The following VPS8 variants were observed in gnomAD, a reference collection of about 807,000 sequenced individuals.
VPS8 encodes the protein vacuolar protein sorting-associated protein 8 homolog.
VPS8 carries 129 observed loss-of-function variants against 216.4 expected under a neutral mutation model. The observed-to-expected ratio is 0.60, with a 90% CI of 0.52 to 0.69. VPS8 has a LOEUF of 0.69. Among genes scored for constraint, VPS8 ranks in the 30% least tolerant of loss-of-function variants. The pLI is 0.00. For synonymous variants in VPS8, 571 were observed against 565.4 expected (o/e 1.01, Z -0.14); for missense variants, 1,531 against 1,683.5 (o/e 0.91, Z 1.59).
intron 16 of VPS8, among the ~76,000 whole-genome samples, chr3:184,866,625 T>C (rs1024592984): frequency 2.6e-5 from 4 of 152,224 alleles, no homozygotes; most frequent in African/African-American, 4.8e-5. Context: ...TTATGATCTA[T>C]AGAAGCAATA....
Position 184,820,132 on chromosome 3 carries a change from G to A in VPS8, c.-88-4413G>A, listed in dbSNP as rs115707462. ...TGTCTATTCATTTCCTATTGTTGCC[G>A]TAAATTACCGTAAAGTTAGTAGTAT... On this transcript the variant is annotated intron_variant, in intron 1 of 47. Transcript: ENST00000625842. Among the ~76,000 whole-genome samples, 925 of 152,206 alleles carry A rather than the reference G, an allele frequency of 6.1e-3. 8 individuals are homozygous for A. The highest frequency in any genetic ancestry group is 0.016 in the African/African-American group (655 of 41,538).
At chr3:184,915,188 TA>T (rs1737317683) in intron 27 of VPS8, 135 bp downstream of exon 27, 1 of 1,321,700 alleles carries the variant, frequency 7.6e-7, no homozygotes, top group South Asian at 1.4e-5. Flanking sequence ...ACACTATTAC[TA>T]AAGTCAATAA....
intron 28 of VPS8, among the ~76,000 whole-genome samples, chr3:184,915,991 A>ATCCCTCCCTCCT (rs1737496099): frequency 6.7e-6 from 1 of 149,594 alleles, no homozygotes; most frequent in African/African-American, 2.5e-5. Flanking sequence ...CCCTCCTTCT[A>ATCCCTCCCTCCT]TCCCTCCCTC....
intron 8 of VPS8, among the ~76,000 whole-genome samples, chr3:184,844,435 TAAA>T (rs1722734173): frequency 6.6e-6 from 1 of 151,088 alleles, no homozygotes; most frequent in African/African-American, 2.4e-5. Context: ...AATAAATAAA[TAAA>T]AAATAAAAAA....
At chr3:184,953,073 AT>A (rs764721837) in intron 36 of VPS8, among the ~76,000 whole-genome samples, 2 of 152,158 alleles carry the variant, frequency 1.3e-5, no homozygotes, top group Non-Finnish European at 2.9e-5. Flanking sequence ...TGGGAACTCA[AT>A]TTTTAAGATG....
chr3:184,931,552 A>C (rs1740685692), intron 34 of VPS8, among the ~76,000 whole-genome samples: 1 of 152,166 alleles, frequency 6.6e-6, no homozygotes, highest in Admixed American at 6.5e-5. Flanking sequence ...GAAGGTTGTA[A>C]AGTTTAGAAA....
At chr3:184,872,123 C>T (rs566353857) in intron 21 of VPS8, among the ~76,000 whole-genome samples, 4 of 152,124 alleles carry the variant, frequency 2.6e-5, no homozygotes, top group African/African-American at 9.6e-5. Context: ...TATATAAGTA[C>T]TTGTGTATAC....
intron 1 of VPS8, chr3:184,823,997 G>T (rs1718170301): frequency 1.3e-5 from 2 of 152,106 alleles, no homozygotes; most frequent in Non-Finnish European, 2.9e-5. Flanking sequence ...GGTCATTGTT[G>T]TTTCCTTTAA....
At chr3:185,025,488 T>C (rs922859228) in intron 46 of VPS8, among the ~76,000 whole-genome samples, 4 of 152,144 alleles carry the variant, frequency 2.6e-5, no homozygotes, top group African/African-American at 9.7e-5. Context: ...TGGGTCCCCC[T>C]CCTCTGACTT....
At chr3:184,850,505 G>A (rs556408467) in intron 10 of VPS8, among the ~76,000 whole-genome samples, 2 of 152,286 alleles carry the variant, frequency 1.3e-5, no homozygotes, top group East Asian at 3.9e-4. Context: ...ATTATGTTTA[G>A]AAATGAATCT....
Position 184,969,471 on chromosome 3 carries a change from C to T in VPS8, c.3317-2178C>T, listed in dbSNP as rs1301020205. On this transcript the variant is annotated intron_variant, in intron 39 of 47. Coordinates refer to ENST00000625842, the MANE Select transcript of VPS8 (RefSeq NM_001009921.3). ...TTTTGAGATAGTCTTGCTCTGTTGC[C>T]CAGGCTGGAATGCAGTGGCGTGATC... Among the ~76,000 whole-genome samples, 43 of 129,918 alleles carry T rather than the reference C, an allele frequency of 3.3e-4. 2 individuals carry two copies. The allele number at this position is 129,918 out of a possible 152,430, so 85.2% of individuals were successfully genotyped here. A position where few individuals can be genotyped will look rare whatever the true frequency, so the allele number is the denominator to read the frequency against.
intron 3 of VPS8, among the ~76,000 whole-genome samples, chr3:184,828,504 A>T (rs535074126): frequency 5.3e-5 from 8 of 152,198 alleles, no homozygotes; most frequent in African/African-American, 1.7e-4. Flanking sequence ...TTAGGACATG[A>T]AAGAATGTTA....
chr3:184,954,632 A>G (rs1013807060), intron 36 of VPS8, among the ~76,000 whole-genome samples: 9 of 152,138 alleles, frequency 5.9e-5, no homozygotes, highest in African/African-American at 1.9e-4. Flanking sequence ...GGCTGCTTCT[A>G]ATTTCTCCAT....
chr3:185,045,786 G>A (rs941653764), intron 46 of VPS8, among the ~76,000 whole-genome samples: 2 of 144,674 alleles, frequency 1.4e-5, no homozygotes, highest in African/African-American at 5.2e-5. Flanking sequence ...AAAAAAAAAA[G>A]AGGTCTGTGG....
At chr3:184,925,868 G>T (rs950763608) in intron 30 of VPS8, among the ~76,000 whole-genome samples, 5 of 149,920 alleles carry the variant, frequency 3.3e-5, no homozygotes, top group African/African-American at 1.2e-4. Flanking sequence ...TGGCCTCCTG[G>T]GTTCAAGTGA....
At chr3:184,936,665 A>C (rs1006384073) in intron 35 of VPS8, among the ~76,000 whole-genome samples, 1 of 151,516 alleles carries the variant, frequency 6.6e-6, no homozygotes, top group African/African-American at 2.4e-5. Flanking sequence ...ACTATAATGT[A>C]CTTATCCTAG....
intron 44 of VPS8, 29 bp downstream of exon 44, chr3:184,996,530 A>G: frequency 6.3e-7 from 1 of 1,585,820 alleles, no homozygotes; most frequent in Non-Finnish European, 8.6e-7. Flanking sequence ...TGTTACATGT[A>G]TGGTACATGT....
chr3:184,972,809 A>C lies in VPS8; in HGVS notation c.3420+1057A>C, dbSNP rs369974028. ...GTTAAATTCTGCAATAGTTTTAAGA[A>C]GTAAAGTTGTATCATGATATGGCTT... On this transcript the variant is annotated intron_variant, in intron 40 of 47. Transcript: ENST00000625842. Among the ~76,000 whole-genome samples, 17 of 152,376 alleles carry C rather than the reference A, an allele frequency of 1.1e-4. No homozygotes were observed. In the South Asian group the frequency reaches 3.5e-3, roughly 32 times the overall value.
chr3:184,862,862 T>A (rs769577531), intron 15 of VPS8, 35 bp from the exon 16 acceptor site: 1 of 1,592,792 alleles, frequency 6.3e-7, no homozygotes, highest in Non-Finnish European at 8.6e-7. Flanking sequence ...GCGGGTGTGG[T>A]CTCACTTTTG....
Sources: allele counts gnomAD v4.1 joint callset (sites outside exome capture counted in the v4.1 genomes callset), GRCh38; gene constraint gnomAD v4.1.1; transcripts MANE v1.5; gene names NCBI Gene and HGNC (gene_info 2026-07-23, HGNC 2026-07-21).